The following PRKCE variants were observed in gnomAD, a reference collection of about 807,000 sequenced individuals.
The protein encoded by PRKCE is protein kinase C epsilon type.
PRKCE carries 16 observed loss-of-function variants against 85.4 expected under a neutral mutation model. The observed-to-expected ratio is 0.19, with a 90% confidence interval of 0.13 to 0.28. The LOEUF is 0.28. PRKCE is among the 10% of genes least tolerant of loss of function. The probability of loss-of-function intolerance (pLI) is 1.00; values close to 1 mark genes in which losing one functional copy is unlikely to be tolerated. For missense variants in PRKCE, 573 were observed against 975.2 expected (o/e 0.59, Z 5.49); for synonymous variants, 388 against 371.5 (o/e 1.04, Z -0.51).
chr2:46,142,683 G>A (rs1448986711), intron 11 of PRKCE, among the ~76,000 whole-genome samples: 1 of 152,244 alleles, frequency 6.6e-6, no homozygotes, highest in African/African-American at 2.4e-5. Flanking sequence ...GAAAGCAAAG[G>A]GAGGGTGAGC....
intron 10 of PRKCE, among the ~76,000 whole-genome samples, chr2:46,072,540 C>T (rs79690031): frequency 0.066 from 10,007 of 152,296 alleles, 419 homozygotes; most frequent in Non-Finnish European, 0.097. Context: ...AGTGAAACCA[C>T]AGCTATCTAA....
chr2:46,121,936 T>C (rs2104335266), intron 11 of PRKCE, among the ~76,000 whole-genome samples: 1 of 152,326 alleles, frequency 6.6e-6, no homozygotes, highest in East Asian at 1.9e-4. Flanking sequence ...TCATTTACAT[T>C]CACCAGTATT....
At chr2:45,977,939 G>C (rs1252524884) in intron 3 of PRKCE, among the ~76,000 whole-genome samples, 1 of 152,180 alleles carries the variant, frequency 6.6e-6, no homozygotes, top group East Asian at 1.9e-4. Context: ...CCAGGATGCA[G>C]TATGAACCCA....
intron 1 of PRKCE, among the ~76,000 whole-genome samples, chr2:45,713,993 G>C (rs1039020234): frequency 6.6e-6 from 1 of 152,190 alleles, no homozygotes; most frequent in Non-Finnish European, 1.5e-5. Flanking sequence ...TTGACATAAA[G>C]TTATGTTCTT....
At chr2:46,033,202 C>G (rs1397018172) in intron 10 of PRKCE, among the ~76,000 whole-genome samples, 1 of 152,196 alleles carries the variant, frequency 6.6e-6, no homozygotes, top group Admixed American at 6.5e-5. Flanking sequence ...TTAGTCATAT[C>G]ATTTTCACTG....
intron 11 of PRKCE, among the ~76,000 whole-genome samples, chr2:46,096,949 T>A (rs960989721): frequency 6.6e-6 from 1 of 152,114 alleles, no homozygotes; most frequent in African/African-American, 2.4e-5. Flanking sequence ...CATAAAAATG[T>A]CTCTGGGGTT....
At chr2:46,050,673 A>G (rs1230878390) in intron 10 of PRKCE, among the ~76,000 whole-genome samples, 1 of 152,206 alleles carries the variant, frequency 6.6e-6, no homozygotes, top group Non-Finnish European at 1.5e-5. Context: ...AGGTAAAGGT[A>G]TCTGGGACAA....
chr2:45,816,494 C>A (rs1689056907), intron 1 of PRKCE, among the ~76,000 whole-genome samples: 1 of 152,202 alleles, frequency 6.6e-6, no homozygotes, highest in South Asian at 2.1e-4. Context: ...CCCAGAGGTG[C>A]CTTTTTGTGT....
chr2:45,760,458 A>G (rs1479835792), intron 1 of PRKCE, among the ~76,000 whole-genome samples: 1 of 152,172 alleles, frequency 6.6e-6, no homozygotes, highest in Non-Finnish European at 1.5e-5. Context: ...TTCTAAAATC[A>G]TTTTCTCATG....
intron 12 of PRKCE, among the ~76,000 whole-genome samples, chr2:46,146,922 G>T (rs1676121990): frequency 6.6e-6 from 1 of 152,186 alleles, no homozygotes; most frequent in African/African-American, 2.4e-5. Context: ...GATCCTGTAG[G>T]ATCTGTGGAC....
chr2:45,922,640 C>T (rs1573891358), intron 2 of PRKCE, among the ~76,000 whole-genome samples: 1 of 152,252 alleles, frequency 6.6e-6, no homozygotes, highest in East Asian at 1.9e-4. Context: ...CCAGCAGCAA[C>T]TGCCTGGGGT....
At chr2:45,731,732 T>C (rs1681594689) in intron 1 of PRKCE, among the ~76,000 whole-genome samples, 1 of 150,274 alleles carries the variant, frequency 6.7e-6, no homozygotes, top group East Asian at 2.0e-4. Flanking sequence ...CAAGTGATGC[T>C]CCTACCTCAG....
intron 1 of PRKCE, among the ~76,000 whole-genome samples, chr2:45,830,118 G>C (rs932470445): frequency 6.8e-6 from 1 of 146,930 alleles, no homozygotes; most frequent in Non-Finnish European, 1.5e-5. Context: ...CTTTGAAAAA[G>C]AAATAGTATA....
At chr2:46,097,306 C>A (rs1670783593) in intron 11 of PRKCE, among the ~76,000 whole-genome samples, 1 of 152,066 alleles carries the variant, frequency 6.6e-6, no homozygotes, top group African/African-American at 2.4e-5. Flanking sequence ...ATCACAAGGT[C>A]AGGAGATCGA....
intron 11 of PRKCE, among the ~76,000 whole-genome samples, chr2:46,125,457 T>G (rs1193035765): frequency 6.6e-6 from 1 of 152,150 alleles, no homozygotes; most frequent in Non-Finnish European, 1.5e-5. Flanking sequence ...AAAAGAGAAA[T>G]ATTTTCTCAA....
At chr2:45,772,707 T>C (rs960248292) in intron 1 of PRKCE, among the ~76,000 whole-genome samples, 3 of 152,058 alleles carry the variant, frequency 2.0e-5, no homozygotes, top group African/African-American at 7.2e-5. Flanking sequence ...TGCCACATGC[T>C]CAGCACCATT....
intron 9 of PRKCE, among the ~76,000 whole-genome samples, chr2:46,008,684 T>A (rs1369380584): frequency 6.6e-6 from 1 of 152,166 alleles, no homozygotes; most frequent in Non-Finnish European, 1.5e-5. Flanking sequence ...GGAAGGTAAC[T>A]GGGGTTTACT....
At chr2:46,037,892 C>T (rs1031540376) in intron 10 of PRKCE, among the ~76,000 whole-genome samples, 13 of 152,102 alleles carry the variant, frequency 8.5e-5, no homozygotes, top group South Asian at 2.1e-4. Flanking sequence ...GGTTGGTTGT[C>T]GTTGGGCAAA....
At chr2:46,115,073 T>C (rs552689149) in intron 11 of PRKCE, among the ~76,000 whole-genome samples, 20 of 152,318 alleles carry the variant, frequency 1.3e-4, no homozygotes, top group African/African-American at 4.1e-4. Context: ...CAGGCTGCTA[T>C]AGAATTGTTC....
Sources: allele counts gnomAD v4.1 joint callset (sites outside exome capture counted in the v4.1 genomes callset), GRCh38; gene constraint gnomAD v4.1.1; transcripts MANE v1.5; gene names NCBI Gene and HGNC (gene_info 2026-07-23, HGNC 2026-07-21).